The following CD163L1 variants were observed in gnomAD, a reference collection of about 807,000 sequenced individuals.
CD163L1 encodes CD163 molecule like 1, also known as scavenger receptor cysteine-rich type 1 protein M160.
A neutral mutation model predicts 165.4 loss-of-function variants in CD163L1; 124 were observed. The observed-to-expected ratio is 0.75, with a 90% CI of 0.65 to 0.87. The LOEUF is 0.87. CD163L1 is among the 40% of genes least tolerant of loss of function. The pLI is 0.00. For missense variants in CD163L1, 1,525 were observed against 1,799.9 expected (o/e 0.85, Z 2.76); for synonymous variants, 585 against 662.2 (o/e 0.88, Z 1.79).
chr12:7,413,091 CAAAAAAAAAAAAAA>C (rs111943372), intron 4 of CD163L1, among the ~76,000 whole-genome samples: 1 of 39,546 alleles, frequency 2.5e-5, no homozygotes, highest in African/African-American at 7.6e-5. Context: ...GACTCCATCT[CAAAAAAAAAAAAAA>C]AAAAAAAAGA....
Position 7,347,032 on chromosome 12 carries a change from A to G in CD163L1, c.*140T>C, listed in dbSNP as rs1946675305. 1 of 152,230 alleles carries G rather than the reference A, an allele frequency of 6.6e-6. No homozygotes were observed. The highest frequency in any genetic ancestry group is 1.5e-5 in the Non-Finnish European group (1 of 68,042). 9.4% of individuals were successfully genotyped at this position (152,230 alleles called of 1,614,324 possible). On this transcript the variant is annotated 3_prime_UTR_variant, in exon 5 of 5. Coordinates refer to the CD163L1 transcript ENST00000539726. The surrounding 1 kb of genome is among the most constrained non-coding windows in gnomAD (Gnocchi z 4.2). ...AAAGGGATGCTCTCTGCTTACCTGC[A>G]GCAGAAAAACTGATCACACTGTAGG... is the stretch of plus-strand genomic sequence containing the variant.
At position 7,347,570 on chromosome 12, in the gene CD163L1, G is replaced by A. The variant is rs948289369; in HGVS notation, c.*25-423C>T. ...CGAGGCAGGTGGATCACGAGGTCAGGAGATCGAGACCACGTTGAAACCCCG... is the reference window on the plus strand; with the variant it reads ...CGAGGCAGGTGGATCACGAGGTCAGAAGATCGAGACCACGTTGAAACCCCG... On this transcript the variant is annotated intron_variant, in intron 4 of 4. Coordinates refer to the CD163L1 transcript ENST00000539726. This position sits in a 1 kb window ranked among gnomAD's most constrained non-coding sequence, Gnocchi z 4.2. 6.6e-6 allele frequency among the ~76,000 whole-genome samples: 1 copy of A among 152,038 alleles called. No homozygotes were observed. The highest frequency in any genetic ancestry group is 1.5e-5 in the Non-Finnish European group (1 of 67,984).
the CD163L1 span, chr12:7,324,418 T>G: frequency 3.1e-6 from 5 of 1,613,934 alleles, no homozygotes; most frequent in African/African-American, 6.7e-5. Flanking sequence ...TATTTGCCAC[T>G]CTGAAGAGGT....
chr12:7,379,287 T>A lies in CD163L1; in HGVS notation c.2062A>T (p.Met688Leu), dbSNP rs368881388. ...CTTCCACCCACAAGCCTCAGCTCCA[T>A]ATCCGATGCATCTGAAACCAAATAC... ...VGVICSDASD[M>L]ELRLVGGSSR... Residue 688 changes from methionine to leucine, a missense_variant, in exon 9 of 20, where the codon ATG (methionine) becomes TTG (leucine). Coordinates refer to ENST00000313599, the MANE Select transcript of CD163L1 (RefSeq NM_174941.6). The A allele has an allele frequency of 5.0e-6, 8 of 1,613,712 alleles. No homozygotes were observed. Among genetic ancestry groups the A allele is most frequent in the Non-Finnish European group, 5.9e-6 (7 of 1,179,766 alleles).
the CD163L1 span, among the ~76,000 whole-genome samples, chr12:7,337,242 T>G: frequency 6.6e-6 from 1 of 152,080 alleles, no homozygotes; most frequent in Non-Finnish European, 1.5e-5. Flanking sequence ...GCAATACCAT[T>G]CAGGACATAA....
chr12:7,323,423 A>C, the CD163L1 span: 3 of 1,609,206 alleles, frequency 1.9e-6, no homozygotes, highest in South Asian at 3.3e-5. Flanking sequence ...TGTGAAAAGA[A>C]AATTTTAAGA....
At chr12:7,421,048 T>TAC (rs1491151771) in intron 4 of CD163L1, among the ~76,000 whole-genome samples, 9 of 85,842 alleles carry the variant, frequency 1.0e-4, no homozygotes, top group African/African-American at 5.5e-4. Context: ...TGTATATATA[T>TAC]GTATATACGT....
intron 4 of CD163L1, among the ~76,000 whole-genome samples, chr12:7,414,207 G>A (rs969484441): frequency 3.9e-5 from 6 of 152,006 alleles, no homozygotes; most frequent in African/African-American, 1.4e-4. Flanking sequence ...ACATAGATAG[G>A]CAACTAAATA....
At position 7,406,600 on chromosome 12, in the gene CD163L1, T is replaced by C. The variant is rs1255870654; in HGVS notation, c.1019A>G (p.Asp340Gly). 5 of 1,613,902 alleles carry C rather than the reference T, an allele frequency of 3.1e-6. No individual in the cohort carries two copies. The highest frequency in any genetic ancestry group is 2.5e-6 in the Non-Finnish European group (3 of 1,179,988). ...SCSGNESFLW[D>G]CRHSGTVNFD... ...ATTGACGGTTCCGGAATGTCTGCAG[T>C]CCCAAAGAAAAGATTCATTACCGGA... The change falls in exon 5 of 20, where the codon GAC (aspartate) becomes GGC (glycine). Residue 340 changes from aspartate to glycine, a missense_variant. Asp to Gly is a moderately conservative substitution (Grantham distance 94, BLOSUM62 -1). Coordinates refer to ENST00000313599, the MANE Select transcript of CD163L1 (RefSeq NM_174941.6).
chr12:7,365,537 A>C (rs1183930424), intron 18 of CD163L1, among the ~76,000 whole-genome samples: 1 of 152,112 alleles, frequency 6.6e-6, no homozygotes, highest in Admixed American at 6.5e-5. Context: ...TAATAATCTA[A>C]ATATATAGAG....
At chr12:7,396,771 G>A (rs1299771452) in intron 7 of CD163L1, among the ~76,000 whole-genome samples, 6 of 152,052 alleles carry the variant, frequency 3.9e-5, no homozygotes, top group South Asian at 2.1e-4. Flanking sequence ...TGCAAGCCCC[G>A]ATAATTGCTT....
At position 7,437,166 on chromosome 12, in the gene CD163L1, T is replaced by G. The variant is rs1028005517; in HGVS notation, c.125-3472A>C. Among the ~76,000 whole-genome samples the G allele has an allele frequency of 6.9e-5, 7 of 100,952 alleles. No individual in the cohort carries two copies. In the South Asian group the frequency reaches 9.0e-4, roughly 13 times the overall value. The allele number at this position is 100,952 out of a possible 152,430, so 66.2% of individuals were successfully genotyped here. A position where few individuals can be genotyped will look rare whatever the true frequency, so the allele number is the denominator to read the frequency against. Reference sequence around the variant, plus strand: ...TATTTTTATTATACTTTTATTTTTATTAATAGTATTACTTTTATTTTTATT... The same window carrying G: ...TATTTTTATTATACTTTTATTTTTAGTAATAGTATTACTTTTATTTTTATT... On this transcript the variant is annotated intron_variant, in intron 2 of 19. Transcript: ENST00000313599.
At position 7,374,874 on chromosome 12, in the gene CD163L1, T is replaced by C. The variant is rs1018928650; in HGVS notation, c.3051A>G (p.Pro1017=). Residue 1017 remains proline, a synonymous_variant, in exon 12 of 20, where the codon CCA becomes CCG. Transcript: ENST00000313599. The surrounding 1 kb of genome is among the most constrained non-coding windows in gnomAD (Gnocchi z 5.4). ...LFPCLANVSD[P]YLSAVPEGSA... ...TGCCCTCTGGAACTGCAGACAAATA[T>C]GGGTCAGATACATTTGCGAGGCATG... 2 of 1,614,040 alleles carry C rather than the reference T, an allele frequency of 1.2e-6. No individual in the cohort carries two copies. The highest frequency in any genetic ancestry group is 1.7e-6 in the Non-Finnish European group (2 of 1,180,016).
chr12:7,331,041 G>A, the CD163L1 span, among the ~76,000 whole-genome samples: 1 of 152,232 alleles, frequency 6.6e-6, no homozygotes, highest in South Asian at 2.1e-4. Context: ...CCTAGTGAAA[G>A]AAAGGGGTGA....
Position 7,432,744 on chromosome 12 carries a change from A to C in CD163L1, c.446-8T>G, listed in dbSNP as rs763322817. On this transcript the variant is annotated splice_region_variant and splice_polypyrimidine_tract_variant and intron_variant, in intron 3 of 19. Coordinates refer to ENST00000313599, the MANE Select transcript of CD163L1 (RefSeq NM_174941.6). This position sits in a 1 kb window ranked among gnomAD's most constrained non-coding sequence, Gnocchi z 4.2. ...AACCCAGATTGGCTTCACCTACGAG[A>C]AAGACAAGCAGACATATGAAAAACT... The C allele has an allele frequency of 1.1e-5, 18 of 1,584,392 alleles. No homozygotes were observed. In the East Asian group the frequency reaches 4.0e-4, roughly 36 times the overall value.
the CD163L1 span, among the ~76,000 whole-genome samples, chr12:7,340,546 T>C: frequency 6.6e-6 from 1 of 152,194 alleles, no homozygotes; most frequent in Non-Finnish European, 1.5e-5. Flanking sequence ...TTTGTACAAA[T>C]GTCTTTAATT....
chr12:7,412,610 A>G (rs1948157678), intron 4 of CD163L1, among the ~76,000 whole-genome samples: 1 of 152,120 alleles, frequency 6.6e-6, no homozygotes, highest in South Asian at 2.1e-4. Flanking sequence ...ATTGCACACT[A>G]TCTGGAGAGT....
chr12:7,414,855 T>G (rs1290222567), intron 4 of CD163L1, among the ~76,000 whole-genome samples: 1 of 152,126 alleles, frequency 6.6e-6, no homozygotes. Flanking sequence ...AACATTATAC[T>G]TGGTAAAGCT....
downstream of CD163L1, among the ~76,000 whole-genome samples, chr12:7,342,516 C>A (rs1946644054): frequency 6.6e-6 from 1 of 152,208 alleles, no homozygotes; most frequent in South Asian, 2.1e-4. Flanking sequence ...TGTGAGACCC[C>A]TGATTTCCCA....
Sources: gnomAD v4.1 joint callset for allele counts (sites outside exome capture counted in the v4.1 genomes callset) on GRCh38, gnomAD v4.1.1 for gene constraint, Gnocchi (gnomAD v3.1) non-coding constraint, MANE v1.5 for transcripts, NCBI Gene and HGNC (gene_info 2026-07-23, HGNC 2026-07-21) for gene names.